The following CTTN variants were observed in gnomAD, a reference collection of about 807,000 sequenced individuals.
CTTN encodes cortactin, also known as src substrate cortactin.
A neutral mutation model predicts 84.0 loss-of-function variants in CTTN; 28 were observed. The ratio of observed to expected loss-of-function variants is 0.33; its 90% CI spans 0.25 to 0.46. The LOEUF (loss-of-function observed/expected upper bound fraction) is 0.46, where lower values mean the gene tolerates loss of function less well. CTTN is among the 20% of genes least tolerant of loss of function. The pLI, the probability that CTTN is intolerant of heterozygous loss-of-function variation, is 1.00. For missense variants in CTTN, 641 were observed against 723.8 expected (o/e 0.89, Z 1.31); for synonymous variants, 301 against 288.8 (o/e 1.04, Z -0.43).
rs1270253919 is a variant in CTTN, at chr11:70,421,546, C to T, written c.867C>T (p.Tyr289=). The change falls in exon 11 of 18, where the codon TAC becomes TAT. Residue 289 remains tyrosine (Y), a synonymous_variant. Coordinates refer to ENST00000301843, the MANE Select transcript of CTTN (RefSeq NM_005231.4). ...RQDSAAVGFD[Y]KEKLAKHESQ... ...ACTCCGCTGCTGTGGGGTTTGATTACAAGGAGAAGCTGGCCAAGCACGAGT... is the reference window on the plus strand; with the variant it reads ...ACTCCGCTGCTGTGGGGTTTGATTATAAGGAGAAGCTGGCCAAGCACGAGT... 4 of 1,614,084 alleles carry T rather than the reference C, an allele frequency of 2.5e-6. No individual in the cohort carries two copies. In the South Asian group the frequency reaches 3.3e-5, roughly 13 times the overall value.
rs906878718 is a variant in CTTN at position 70,421,407 on chromosome 11, A to T, written c.791-63A>T. 25 of 1,232,078 alleles carry T rather than the reference A, an allele frequency of 2.0e-5. No homozygotes were observed. In the Admixed American group the frequency reaches 4.2e-4, roughly 21 times the overall value. 76.3% of individuals were successfully genotyped at this position (1,232,078 alleles called of 1,614,324 possible). A position where few individuals can be genotyped will look rare whatever the true frequency, so the allele number is the denominator to read the frequency against. ...TTTGATTTTTGCGCATGCTCATGCA[A>T]TTCTAACCCAACTGTGTTTCCTCTT... On this transcript the variant is annotated intron_variant, in intron 10 of 17. Transcript: ENST00000301843.
chr11:70,400,130 A>G (rs753073548), intron 1 of CTTN, among the ~76,000 whole-genome samples: 99 of 152,214 alleles, frequency 6.5e-4, no homozygotes, highest in Non-Finnish European at 3.2e-4. Flanking sequence ...GGTCCCCTAG[A>G]ACTAGAAGCT....
At chr11:70,433,897 C>T (rs983888835) in intron 17 of CTTN, among the ~76,000 whole-genome samples, 179 bp downstream of exon 17, 6 of 152,140 alleles carry the variant, frequency 3.9e-5, no homozygotes, top group Non-Finnish European at 4.4e-5. Context: ...GTTCCCTACC[C>T]GGATTCCATC....
rs1022387444 is a variant in CTTN, at chr11:70,422,957, G to A, written c.919G>A (p.Gly307Ser). 4.4e-5 allele frequency: 71 copies of A among 1,613,952 alleles called. No individual in the cohort carries two copies. Among genetic ancestry groups the A allele is most frequent in the Middle Eastern group, 1.6e-4 (1 of 6,084 alleles). ...CGTTTCAGACTACTCCAAAGGATTC[G>A]GCGGGAAGTATGGGGTGCAGAAGGA... ...ESQQDYSKGF[G>S]GKYGVQKDRM... The change falls in exon 12 of 18, where the codon GGC becomes AGC. Residue 307 changes from glycine (G) to serine (S), a missense_variant. By Grantham distance (56) the Gly-to-Ser change is moderately conservative. Coordinates refer to ENST00000301843, the MANE Select transcript of CTTN (RefSeq NM_005231.4).
chr11:70,422,739 T>G, intron 11 of CTTN: 2 of 1,451,510 alleles, frequency 1.4e-6, no homozygotes, highest in East Asian at 5.5e-5. Context: ...TGGCCTGTGC[T>G]CTGCTTCTCA....
In CTTN at chr11:70,435,424, G is replaced by GTT. The variant is rs60846336; in HGVS notation, c.*271_*272dup. 8.0e-6 allele frequency: 11 copies of GTT among 1,381,170 alleles called. No individual in the cohort carries two copies. The highest frequency in any genetic ancestry group is 2.6e-5 in the Admixed American group (1 of 37,912). 85.6% of individuals were successfully genotyped at this position (1,381,170 alleles called of 1,614,324 possible). On this transcript the variant is annotated 3_prime_UTR_variant, in exon 18 of 18. Coordinates refer to ENST00000301843, the MANE Select transcript of CTTN (RefSeq NM_005231.4). ...TGGTAATTGGTTTTATGCATTGATG[G>GTT]TTTTTTTTTTCTTTTTTGCCAAATT...
At chr11:70,420,739 G>A (rs553032755) in intron 10 of CTTN, among the ~76,000 whole-genome samples, 3 of 152,208 alleles carry the variant, frequency 2.0e-5, no homozygotes, top group Non-Finnish European at 2.9e-5. Context: ...GGTTTACCTG[G>A]AAGTGGGTTG....
chr11:70,422,396 T>A, intron 11 of CTTN: 2 of 816,410 alleles, frequency 2.4e-6, no homozygotes, highest in Non-Finnish European at 1.8e-6. Context: ...GCAGTGGCTC[T>A]CCGTGGCATC....
intron 13 of CTTN, 53 bp downstream of exon 13, chr11:70,425,454 AGG>A: frequency 7.2e-7 from 1 of 1,392,670 alleles, no homozygotes; most frequent in Non-Finnish European, 1.0e-6. Context: ...GAAAACACTG[AGG>A]GGAAGGACAG....
intron 1 of CTTN, among the ~76,000 whole-genome samples, chr11:70,399,075 C>T (rs2057944395): frequency 8.8e-6 from 1 of 113,202 alleles, no homozygotes; most frequent in African/African-American, 3.5e-5. Flanking sequence ...AGGGGCTGGG[C>T]CTGTGGGGTT....
intron 11 of CTTN, 191 bp from the exon 12 acceptor site, chr11:70,422,749 A>G (rs1009997206): frequency 2.1e-6 from 3 of 1,456,758 alleles, no homozygotes; most frequent in Non-Finnish European, 2.7e-6. Flanking sequence ...TCTGCTTCTC[A>G]CTGCCTGTGT....
In CTTN at chr11:70,435,354, A is replaced by G; in HGVS notation, c.*192A>G. 1 of 1,467,618 alleles carries G rather than the reference A, an allele frequency of 6.8e-7. No homozygotes were observed. Among genetic ancestry groups the G allele is most frequent in the South Asian group, 1.4e-5 (1 of 73,940 alleles). 90.9% of individuals were successfully genotyped at this position (1,467,618 alleles called of 1,614,324 possible). On this transcript the variant is annotated 3_prime_UTR_variant, in exon 18 of 18. Transcript: ENST00000301843. Reference sequence around the variant, plus strand: ...TGATGCTTTTGAAAATGTTTATGCCACAGAATTTGCTAATATATTGTAATC... The same window carrying G: ...TGATGCTTTTGAAAATGTTTATGCCGCAGAATTTGCTAATATATTGTAATC...
intron 4 of CTTN, 25 bp from the exon 5 acceptor site, chr11:70,409,806 T>C: frequency 1.2e-6 from 2 of 1,613,040 alleles, no homozygotes; most frequent in Non-Finnish European, 1.7e-6. Context: ...ATTGATCTGT[T>C]CCTATTTTCA....
rs1310166369 is a variant in CTTN, at chr11:70,419,753, C to T, written c.576C>T (p.Ser192=). 1 of 1,609,088 alleles carries T rather than the reference C, an allele frequency of 6.2e-7. No homozygotes were observed. The highest frequency in any genetic ancestry group is 8.5e-7 in the Non-Finnish European group (1 of 1,178,960). Residue 192 remains serine, a synonymous_variant, in exon 9 of 18, where the codon TCC becomes TCT. Coordinates refer to ENST00000301843, the MANE Select transcript of CTTN (RefSeq NM_005231.4). ...TEKHESQRDY[S]KGFGGKYGID... is the part of the protein sequence containing the mutation. ...TTTTTTGTTTGTTTTTAGATTACTC[C>T]AAAGGTTTCGGCGGCAAATACGGTA...
chr11:70,418,553 A>G (rs768193028), intron 8 of CTTN, among the ~76,000 whole-genome samples: 8 of 152,214 alleles, frequency 5.3e-5, no homozygotes, highest in Non-Finnish European at 8.8e-5. Flanking sequence ...TCACAGTGAC[A>G]TGCTAAATGG....
chr11:70,427,737 C>T (rs547364455), intron 13 of CTTN, among the ~76,000 whole-genome samples: 8 of 152,182 alleles, frequency 5.3e-5, no homozygotes, highest in Non-Finnish European at 1.2e-4. Flanking sequence ...GAGTTGTGCT[C>T]GTCTTCCAGT....
At position 70,433,167 on chromosome 11, in the gene CTTN, G is replaced by A. The variant is rs746795176; in HGVS notation, c.1333G>A (p.Val445Met). 3.7e-6 allele frequency: 6 copies of A among 1,613,664 alleles called. No individual in the cohort carries two copies. The highest frequency in any genetic ancestry group is 1.1e-5 in the South Asian group (1 of 91,088). The change falls in exon 16 of 18, where the codon GTG (valine) becomes ATG (methionine). Residue 445 changes from valine to methionine, a missense_variant. Val to Met is a conservative substitution (Grantham distance 21). This residue lies in a region of CTTN where 289 missense variants were observed against 273.1 expected (regional missense o/e 1.06). Transcript: ENST00000301843. ...TGTGAGTGGGACGGAGCCGGAGCCCGTGTACAGCATGGAGGCCGCTGACTA... is the reference window on the plus strand; with the variant it reads ...TGTGAGTGGGACGGAGCCGGAGCCCATGTACAGCATGGAGGCCGCTGACTA... ...GPVSGTEPEP[V>M]YSMEAADYRE...
At chr11:70,417,189 C>G (rs2135571677) in intron 8 of CTTN, 66 bp downstream of exon 8, 1 of 1,161,514 alleles carries the variant, frequency 8.6e-7, no homozygotes, top group Non-Finnish European at 1.3e-6. Context: ...GGCATTTTCT[C>G]TCTGCACACG....
In CTTN at chr11:70,428,557, TCA is replaced by T. The variant is rs112301262; in HGVS notation, c.1028-493_1028-492del. Among the ~76,000 whole-genome samples the T allele has an allele frequency of 3.5e-3, 534 of 152,162 alleles. 8 individuals carry two copies. Among genetic ancestry groups the T allele is most frequent in the African/African-American group, 0.012 (512 of 41,498 alleles). On this transcript the variant is annotated intron_variant, in intron 13 of 17. Coordinates refer to ENST00000301843, the MANE Select transcript of CTTN (RefSeq NM_005231.4). ...CCAGGCTGGTCTCAAACTCCTGATCTCAGTCTTCCCGTCTCAACCTCCCAAAG... is the reference window on the plus strand; with the variant it reads ...CCAGGCTGGTCTCAAACTCCTGATCTGTCTTCCCGTCTCAACCTCCCAAAG...
Sources: gnomAD v4.1 joint callset for allele counts (sites outside exome capture counted in the v4.1 genomes callset) on GRCh38, gnomAD v4.1.1 for gene constraint, gnomAD v4.1.1 regional missense constraint, MANE v1.5 for transcripts, NCBI Gene and HGNC (gene_info 2026-07-23, HGNC 2026-07-21) for gene names.